The following TPCN1 variants were observed in gnomAD, a reference collection of about 807,000 sequenced individuals.
The protein encoded by TPCN1 is two pore segment channel 1, also known as two pore channel protein 1.
Under a neutral mutation model 108.8 loss-of-function variants are expected in TPCN1, and 52 were observed. That is an observed-to-expected ratio of 0.48 (90% CI 0.38 to 0.60). TPCN1 has a LOEUF of 0.60. Among genes scored for constraint, TPCN1 ranks in the 20% least tolerant of loss-of-function variants. The pLI is 0.00. For synonymous variants in TPCN1, 446 were observed against 433.7 expected (o/e 1.03, Z -0.35); for missense variants, 806 against 1,072.8 (o/e 0.75, Z 3.47).
chr12:113,233,737 T>C (rs1218144799), intron 2 of TPCN1, among the ~76,000 whole-genome samples: 1 of 152,204 alleles, frequency 6.6e-6, no homozygotes, highest in Non-Finnish European at 1.5e-5. Context: ...CCAAAGCACT[T>C]TTGTGCTGCT....
intron 3 of TPCN1, among the ~76,000 whole-genome samples, chr12:113,262,423 A>C (rs1181464427): frequency 6.6e-6 from 1 of 152,144 alleles, no homozygotes; most frequent in Non-Finnish European, 1.5e-5. Flanking sequence ...AAAAAAAAAA[A>C]AAAAGATTTA....
chr12:113,292,217 C>A, intron 25 of TPCN1: 1 of 466,146 alleles, frequency 2.1e-6, no homozygotes, highest in Non-Finnish European at 3.9e-6. Flanking sequence ...TAGAGAAAGG[C>A]TTATGTGGCA....
chr12:113,272,944 T>C lies in TPCN1; in HGVS notation c.783+252T>C, dbSNP rs1193287421. On this transcript the variant is annotated intron_variant, in intron 8 of 27. Coordinates refer to ENST00000335509, the MANE Select transcript of TPCN1 (RefSeq NM_017901.6). This position sits in a 1 kb window ranked among gnomAD's most constrained non-coding sequence, Gnocchi z 4.1. ...GGATCAGGTTTGGACCATTGGAATATTTTGGCAGAGGAGCAGTGGGGGAGA... is the reference window on the plus strand; with the variant it reads ...GGATCAGGTTTGGACCATTGGAATACTTTGGCAGAGGAGCAGTGGGGGAGA... Among the ~76,000 whole-genome samples the C allele has an allele frequency of 1.3e-5, 2 of 152,158 alleles. No individual in the cohort carries two copies. Among genetic ancestry groups the C allele is most frequent in the Non-Finnish European group, 2.9e-5 (2 of 68,026 alleles).
intron 2 of TPCN1, among the ~76,000 whole-genome samples, chr12:113,245,403 C>T (rs1436840164): frequency 6.7e-6 from 1 of 148,878 alleles, no homozygotes; most frequent in Non-Finnish European, 1.5e-5. Context: ...CGAGACCATC[C>T]TGGCTAACAC....
rs1247829773 is a variant in TPCN1 at position 113,282,087 on chromosome 12, A to ATTTTT, written c.1342+1909_1342+1913dup. The stretch of plus-strand genomic sequence containing the variant: ...AGGTGCCCACCACCACACCCGGCTA[A>ATTTTT]TTTTTTTTTTTTTTTTTTTTTGAGA... On this transcript the variant is annotated intron_variant, in intron 15 of 27. Transcript: ENST00000335509. Among the ~76,000 whole-genome samples the ATTTTT allele has an allele frequency of 8.3e-3, 764 of 92,040 alleles. 28 individuals are homozygous for ATTTTT. The highest frequency in any genetic ancestry group is 0.031 in the African/African-American group (699 of 22,446). The allele number at this position is 92,040 out of a possible 152,430, so 60.4% of individuals were successfully genotyped here. A position where few individuals can be genotyped will look rare whatever the true frequency, so the allele number is the denominator to read the frequency against.
intron 1 of TPCN1, among the ~76,000 whole-genome samples, chr12:113,222,635 C>T (rs899132124): frequency 6.6e-6 from 1 of 152,204 alleles, no homozygotes; most frequent in Non-Finnish European, 1.5e-5. Context: ...AGTTAAACAA[C>T]CGTGTTGAAG....
At chr12:113,279,387 A>AT (rs1251575479) in intron 14 of TPCN1, among the ~76,000 whole-genome samples, 246 of 19,606 alleles carry the variant, frequency 0.013, 11 homozygotes, top group South Asian at 0.018. Context: ...ATATATATAT[A>AT]TATATTTTTT....
At chr12:113,280,419 T>G (rs1263500277) in intron 15 of TPCN1, 1 of 411,608 alleles carries the variant, frequency 2.4e-6, no homozygotes, top group Non-Finnish European at 4.3e-6. Flanking sequence ...AGACCTAGAT[T>G]TTTTGGAAGC....
intron 3 of TPCN1, 96 bp downstream of exon 3, chr12:113,260,588 C>G: frequency 6.9e-7 from 1 of 1,442,556 alleles, no homozygotes; most frequent in Non-Finnish European, 9.3e-7. Context: ...TCAGTTCCAG[C>G]ATCAGTTCAT....
At position 113,284,647 on chromosome 12, in the gene TPCN1, G is replaced by T. The variant is rs771124936; in HGVS notation, c.1399+10G>T. 6.2e-7 allele frequency: 1 copy of T among 1,614,190 alleles called. No individual in the cohort carries two copies. The highest frequency in any genetic ancestry group is 8.5e-7 in the Non-Finnish European group (1 of 1,180,044). On this transcript the variant is annotated intron_variant, in intron 16 of 27. Transcript: ENST00000335509. This position sits in a 1 kb window ranked among gnomAD's most constrained non-coding sequence, Gnocchi z 4.1. ...ACATTTATGCTGAAAGGTGAGCCCC[G>T]CTCAGGGACTGGCCGTGTCCTGGCC...
Position 113,267,849 on chromosome 12 carries a change from GCCAC to G in TPCN1, c.424_427del (p.Thr142TrpfsTer6). ...CCACACCCTCTGGTCTCAGGTCCAC[GCCAC>G]CCTGGAGCTGTTTGCCCTGATGGTG... On this transcript the variant is annotated frameshift_variant, in exon 5 of 28. Coordinates refer to ENST00000335509, the MANE Select transcript of TPCN1 (RefSeq NM_017901.6). LOFTEE classifies it high-confidence loss of function. 1 of 1,613,268 alleles carries G rather than the reference GCCAC, an allele frequency of 6.2e-7. No homozygotes were observed.
In TPCN1 at chr12:113,268,827, G is replaced by A. The variant is rs1343889331; in HGVS notation, c.614G>A (p.Arg205His). The A allele has an allele frequency of 2.5e-6, 4 of 1,614,002 alleles. No homozygotes were observed. The highest frequency in any genetic ancestry group is 1.3e-5 in the African/African-American group (1 of 74,930). Residue 205 changes from arginine (R) to histidine (H), a missense_variant, in exon 6 of 28, where the codon CGC (arginine) becomes CAC (histidine). Coordinates refer to ENST00000335509, the MANE Select transcript of TPCN1 (RefSeq NM_017901.6). The surrounding 1 kb of genome is among the most constrained non-coding windows in gnomAD (Gnocchi z 7.3). ...CATGTGCGGGTGACCCGAGCACTGCGCTGCATTTTCCTGGTGGACTGTCGG... is the reference window on the plus strand; with the variant it reads ...CATGTGCGGGTGACCCGAGCACTGCACTGCATTTTCCTGGTGGACTGTCGG... ...MSHVRVTRAL[R>H]CIFLVDCRYC... is the part of the protein sequence containing the mutation.
intron 25 of TPCN1, chr12:113,292,160 C>T (rs1249240876): frequency 1.7e-6 from 1 of 574,138 alleles, no homozygotes; most frequent in East Asian, 2.9e-5. Flanking sequence ...CGTAATCTAA[C>T]TTTAAAATAA....
chr12:113,265,545 TTTC>T (rs1955225162), intron 3 of TPCN1, among the ~76,000 whole-genome samples: 1 of 151,326 alleles, frequency 6.6e-6, no homozygotes, highest in Non-Finnish European at 1.5e-5. Flanking sequence ...TTTCTTTTTC[TTTC>T]TTTTTTTTTT....
intron 27 of TPCN1, among the ~76,000 whole-genome samples, chr12:113,294,813 T>G (rs1176980657): frequency 6.6e-6 from 1 of 152,098 alleles, no homozygotes; most frequent in Admixed American, 6.5e-5. Flanking sequence ...CACCTCAGGG[T>G]TGCCAGGGCT....
chr12:113,229,332 C>T (rs1442271598), intron 2 of TPCN1, among the ~76,000 whole-genome samples: 2 of 152,230 alleles, frequency 1.3e-5, no homozygotes, highest in Non-Finnish European at 2.9e-5. Flanking sequence ...ATTCACCAAG[C>T]CTGGCTGGGA....
chr12:113,292,053 G>A (rs1325435383), intron 25 of TPCN1, 95 bp downstream of exon 25: 3 of 1,036,368 alleles, frequency 2.9e-6, no homozygotes, highest in Non-Finnish European at 4.6e-6. Flanking sequence ...CCATCAGGCT[G>A]TCATTTTTCT....
Position 113,290,199 on chromosome 12 carries a change from G to A in TPCN1, c.1868G>A (p.Gly623Asp). 2 of 1,607,338 alleles carry A rather than the reference G, an allele frequency of 1.2e-6. No homozygotes were observed. Among genetic ancestry groups the A allele is most frequent in the Non-Finnish European group, 1.7e-6 (2 of 1,176,492 alleles). ...GGCAACAGGACCGTGGTGGAGGAAG[G>A]CTACTATTATCTCAATAATTTTGAC... ...TVGNRTVVEE[G>D]YYYLNNFDNI... Residue 623 changes from glycine to aspartate, a missense_variant, in exon 22 of 28, where the codon GGC becomes GAC. Gly to Asp is a moderately conservative substitution (Grantham distance 94). Transcript: ENST00000335509.
At chr12:113,260,343 G>A (rs889935425) in intron 2 of TPCN1, 25 bp from the exon 3 acceptor site, 2 of 1,478,686 alleles carry the variant, frequency 1.4e-6, no homozygotes, top group Non-Finnish European at 1.8e-6. Flanking sequence ...GGTGCCAAGT[G>A]AATCTCTCTC....
Sources: gnomAD v4.1 joint callset for allele counts (sites outside exome capture counted in the v4.1 genomes callset) on GRCh38, gnomAD v4.1.1 for gene constraint, Gnocchi (gnomAD v3.1) non-coding constraint, MANE v1.5 for transcripts, NCBI Gene and HGNC (gene_info 2026-07-23, HGNC 2026-07-21) for gene names.